Variants in KIF26B observed in about 807,000 individuals in gnomAD.
KIF26B encodes kinesin family member 26B, also known as kinesin-like protein KIF26B.
KIF26B carries 63 observed loss-of-function variants against 151.2 expected under a neutral mutation model. The observed-to-expected ratio is 0.42, with a 90% confidence interval of 0.34 to 0.51. KIF26B has a LOEUF of 0.51. Ranked by LOEUF, KIF26B falls within the 20% of genes least tolerant of loss-of-function variation. The pLI is 0.07. For missense variants in KIF26B, 2,813 were observed against 2,913.6 expected (o/e 0.97, Z 0.79); for synonymous variants, 1,357 against 1,262.1 (o/e 1.08, Z -1.59).
chr1:245,663,301 T>C (rs2044177888), intron 10 of KIF26B, among the ~76,000 whole-genome samples: 1 of 152,112 alleles, frequency 6.6e-6, no homozygotes, highest in South Asian at 2.1e-4. Flanking sequence ...TATAGTTTGT[T>C]TGGTTTTCTA....
At chr1:245,307,408 AT>A (rs34512253) in intron 2 of KIF26B, among the ~76,000 whole-genome samples, 30,006 of 151,622 alleles carry the variant, frequency 0.2, 3,144 homozygotes, top group East Asian at 0.43. Flanking sequence ...GGCCCCAGAG[AT>A]TTTTTTTTGT....
intron 2 of KIF26B, among the ~76,000 whole-genome samples, chr1:245,329,057 G>T (rs1371157994): frequency 6.6e-6 from 1 of 152,216 alleles, no homozygotes; most frequent in African/African-American, 2.4e-5. Flanking sequence ...TCTGGATATT[G>T]CTAGAAAACA....
At chr1:245,584,289 A>G (rs1041001688) in intron 5 of KIF26B, among the ~76,000 whole-genome samples, 1 of 152,220 alleles carries the variant, frequency 6.6e-6, no homozygotes, top group Admixed American at 6.5e-5. Flanking sequence ...TGCCAGTGTC[A>G]TGCATACACA....
chr1:245,255,305 A>G (rs536767779), intron 2 of KIF26B, among the ~76,000 whole-genome samples: 1 of 152,276 alleles, frequency 6.6e-6, no homozygotes, highest in South Asian at 2.1e-4. Context: ...ATGGGCCAAC[A>G]CACCCTCTAT....
At chr1:245,311,438 G>A (rs893996007) in intron 2 of KIF26B, among the ~76,000 whole-genome samples, 5 of 151,830 alleles carry the variant, frequency 3.3e-5, no homozygotes, top group African/African-American at 7.3e-5. Context: ...CTTTTTTGGG[G>A]AAGTTCCACC....
chr1:245,614,871 AGG>A (rs2043569937), intron 9 of KIF26B: 3 of 81,334 alleles, frequency 3.7e-5, no homozygotes, highest in Non-Finnish European at 7.1e-5. Context: ...GATAGGGATG[AGG>A]AGATGCAGAC....
At position 245,541,687 on chromosome 1, in the gene KIF26B, G is replaced by A. The variant is rs141206201; in HGVS notation, c.1350+737G>A. 2.0e-3 allele frequency among the ~76,000 whole-genome samples: 307 copies of A among 152,328 alleles called. 3 individuals are homozygous for A. The highest frequency in any genetic ancestry group is 7.1e-3 in the African/African-American group (296 of 41,570). ...TTTTTTATTTTTATCAAAAGTAGGA[G>A]TGGTGCACACGACCTCACTGGTCCT... On this transcript the variant is annotated intron_variant, in intron 5 of 14. Transcript: ENST00000407071.
chr1:245,607,671 C>T lies in KIF26B; in HGVS notation c.1578C>T (p.Thr526=), dbSNP rs369739191. The T allele has an allele frequency of 2.2e-5, 36 of 1,611,856 alleles. No individual in the cohort carries two copies. The highest frequency in any genetic ancestry group is 2.7e-5 in the Non-Finnish European group (32 of 1,179,140). The change falls in exon 7 of 15, where the codon ACC becomes ACT. Residue 526 remains threonine (T), a synonymous_variant. Coordinates refer to ENST00000407071, the MANE Select transcript of KIF26B (RefSeq NM_018012.4). ...GACAGGCTGAAGTGTGTGCAGGCACCGTGGCAGAGGTGATCCAGTCTGTGG... is the reference window on the plus strand; with the variant it reads ...GACAGGCTGAAGTGTGTGCAGGCACTGTGGCAGAGGTGATCCAGTCTGTGG... The part of the protein sequence containing the change: ...DASQAEVCAG[T]VAEVIQSVVN...
chr1:245,406,202 A>C (rs1674132118), intron 3 of KIF26B, among the ~76,000 whole-genome samples: 2 of 152,242 alleles, frequency 1.3e-5, no homozygotes, highest in South Asian at 2.1e-4. Flanking sequence ...AATTGAGGCA[A>C]AGAGAGGGGA....
rs764848280 is a variant in KIF26B at position 245,241,033 on chromosome 1, G to A, written c.465+84350G>A. 8.5e-5 allele frequency among the ~76,000 whole-genome samples: 13 copies of A among 152,198 alleles called. No individual in the cohort carries two copies. Among genetic ancestry groups the A allele is most frequent in the Non-Finnish European group, 1.8e-4 (12 of 68,040 alleles). ...CTTTTCCTACTCTTGGGTCTCACAG[G>A]GCCTGGGGATTGGGAAACAGAGTAT... On this transcript the variant is annotated intron_variant, in intron 2 of 14. Coordinates refer to ENST00000407071, the MANE Select transcript of KIF26B (RefSeq NM_018012.4). This position sits in a 1 kb window ranked among gnomAD's most constrained non-coding sequence, Gnocchi z 5.0.
At chr1:245,670,268 A>G (rs1432175189) in intron 10 of KIF26B, among the ~76,000 whole-genome samples, 1 of 139,710 alleles carries the variant, frequency 7.2e-6, no homozygotes, top group Non-Finnish European at 1.5e-5. Context: ...ATATATATAT[A>G]TATATATATA....
intron 2 of KIF26B, among the ~76,000 whole-genome samples, chr1:245,198,076 A>G (rs1208610380): frequency 2.0e-5 from 3 of 152,060 alleles, no homozygotes; most frequent in East Asian, 1.9e-4. Flanking sequence ...CCACCCACAC[A>G]TCCTTCCCTT....
At chr1:245,661,004 G>A (rs1269008362) in intron 10 of KIF26B, among the ~76,000 whole-genome samples, 2 of 74,538 alleles carry the variant, frequency 2.7e-5, no homozygotes, top group Non-Finnish European at 6.3e-5. Flanking sequence ...TTTTTTTTTT[G>A]GAGACAGAGT....
chr1:245,682,328 C>A (rs1395369523), intron 10 of KIF26B, among the ~76,000 whole-genome samples: 1 of 152,224 alleles, frequency 6.6e-6, no homozygotes, highest in Non-Finnish European at 1.5e-5. Context: ...CCCCTAAGAA[C>A]AATGGCCCAG....
At chr1:245,536,691 C>T (rs1203693531) in intron 4 of KIF26B, among the ~76,000 whole-genome samples, 1 of 152,154 alleles carries the variant, frequency 6.6e-6, no homozygotes, top group Non-Finnish European at 1.5e-5. Context: ...ATCTCTGTTC[C>T]ATGATGTCTG....
Position 245,688,332 on chromosome 1 carries a change from C to A in KIF26B, c.5349C>A (p.Ser1783=). 1 of 1,591,176 alleles carries A rather than the reference C, an allele frequency of 6.3e-7. No individual in the cohort carries two copies. Reference sequence around the variant, plus strand: ...CCGGTGGGAAGCACACGCCCTGGTCCACGCAGTCCCTCAGCAGGAACAGGA... The same window carrying A: ...CCGGTGGGAAGCACACGCCCTGGTCAACGCAGTCCCTCAGCAGGAACAGGA... ...SPPGGKHTPW[S]TQSLSRNRSS... Residue 1783 remains serine (S), a synonymous_variant, in exon 12 of 15, where the codon TCC becomes TCA. Coordinates refer to ENST00000407071, the MANE Select transcript of KIF26B (RefSeq NM_018012.4).
In KIF26B at chr1:245,336,603, G is replaced by A. The variant is rs1246846038; in HGVS notation, c.466-30231G>A. ...TGCAGGCTCGTGCGGCGGCTCGTGC[G>A]GAGCCCTGTGAGCACTCATTCTTGG... On this transcript the variant is annotated intron_variant, in intron 2 of 14. Coordinates refer to ENST00000407071, the MANE Select transcript of KIF26B (RefSeq NM_018012.4). 2.0e-5 allele frequency among the ~76,000 whole-genome samples: 3 copies of A among 152,194 alleles called. No individual in the cohort carries two copies. In the South Asian group the frequency reaches 6.2e-4, roughly 32 times the overall value.
chr1:245,550,296 G>A lies in KIF26B; in HGVS notation c.1350+9346G>A, dbSNP rs78583903. On this transcript the variant is annotated intron_variant, in intron 5 of 14. Coordinates refer to ENST00000407071, the MANE Select transcript of KIF26B (RefSeq NM_018012.4). ...CTGTAGCTAATAAAGTTATTTTCTC[G>A]CTGAAATCGGTGATGGTAAAATTGG... Among the ~76,000 whole-genome samples, 155 of 152,284 alleles carry A rather than the reference G, an allele frequency of 1.0e-3. 3 individuals are homozygous for A. The East Asian group carries it at 0.026, about 25-fold the overall frequency.
At chr1:245,319,478 C>T (rs1671842749) in intron 2 of KIF26B, among the ~76,000 whole-genome samples, 1 of 150,840 alleles carries the variant, frequency 6.6e-6, no homozygotes. Context: ...ATTCTTACAT[C>T]TTTCGTGCTT....
Sources: allele counts gnomAD v4.1 joint callset (sites outside exome capture counted in the v4.1 genomes callset), GRCh38; gene constraint gnomAD v4.1.1; non-coding constraint Gnocchi (gnomAD v3.1); transcripts MANE v1.5; gene names NCBI Gene and HGNC (gene_info 2026-07-23, HGNC 2026-07-21).